LOC122394732: variants seen among roughly 807,000 people sequenced by gnomAD.
the LOC122394732 span, chr9:87,956,461 C>G: frequency 1.5e-5 from 6 of 398,492 alleles, no homozygotes; most frequent in Non-Finnish European, 8.8e-6. Context: ...TAAAGCTTCA[C>G]AAGACAACTG....
chr9:87,956,275 C>T, the LOC122394732 span: 2 of 398,466 alleles, frequency 5.0e-6, no homozygotes, highest in African/African-American at 4.1e-5. Context: ...GCATGGGCTT[C>T]GTAACGAATA....
At chr9:87,956,362 C>A in the LOC122394732 span, 2 of 398,480 alleles carry the variant, frequency 5.0e-6, no homozygotes, top group African/African-American at 4.1e-5. Flanking sequence ...AAAGGAGAAC[C>A]AGGATTCAGA....
At chr9:87,956,405 A>T in the LOC122394732 span, 5 of 398,546 alleles carry the variant, frequency 1.3e-5, no homozygotes, top group East Asian at 1.8e-4. Flanking sequence ...AGACATCCAG[A>T]TCAGGGAGAT....
At chr9:87,956,809 A>G in the LOC122394732 span, 1 of 225,184 alleles carries the variant, frequency 4.4e-6, no homozygotes, top group Non-Finnish European at 8.6e-6. Context: ...ATTCTCCTGG[A>G]GGCAAGAATA....
At chr9:87,956,425 A>G in the LOC122394732 span, 1 of 398,558 alleles carries the variant, frequency 2.5e-6, no homozygotes, top group Non-Finnish European at 4.4e-6. Flanking sequence ...TTGATAGAGA[A>G]AAAGCAGCCC....
the LOC122394732 span, chr9:87,956,740 A>G: frequency 6.0e-6 from 2 of 330,892 alleles, no homozygotes; most frequent in African/African-American, 4.2e-5. Context: ...TTCCCAGCTG[A>G]TTCTATTTCT....
the LOC122394732 span, chr9:87,956,497 G>T: frequency 2.5e-6 from 1 of 398,590 alleles, no homozygotes; most frequent in Admixed American, 4.4e-5. Context: ...AGCCATTGTG[G>T]TGACTGATGC....
chr9:87,956,627 C>CA, the LOC122394732 span: 1 of 393,674 alleles, frequency 2.5e-6, no homozygotes, highest in Non-Finnish European at 4.5e-6. Context: ...TGGGACAAGC[C>CA]AAAAAAGAAA....
At chr9:87,956,384 C>A in the LOC122394732 span, 6 of 398,458 alleles carry the variant, frequency 1.5e-5, 1 homozygote, top group Non-Finnish European at 2.7e-5. Flanking sequence ...CCAAAGCATC[C>A]AGAAGGCTTT....
the LOC122394732 span, chr9:87,956,343 T>C: frequency 1.0e-5 from 4 of 398,434 alleles, no homozygotes; most frequent in African/African-American, 8.2e-5. Flanking sequence ...GTGAACAACC[T>C]TGGAGAGGAA....
the LOC122394732 span, chr9:87,956,850 A>G: frequency 1.7e-5 from 3 of 174,134 alleles, no homozygotes; most frequent in East Asian, 4.3e-4. Flanking sequence ...TCTTTCAGAT[A>G]CTGATCATGA....
chr9:87,956,736 G>A, the LOC122394732 span: 41 of 335,752 alleles, frequency 1.2e-4, no homozygotes, highest in African/African-American at 8.2e-4. Context: ...TTTTTTCCCA[G>A]CTGATTCTAT....
At chr9:87,956,314 G>A in the LOC122394732 span, 1 of 398,632 alleles carries the variant, frequency 2.5e-6, no homozygotes, top group Non-Finnish European at 4.4e-6. Context: ...GAGATTCCCT[G>A]TACCTGCGAA....
the LOC122394732 span, chr9:87,956,630 A>G: frequency 4.0e-5 from 16 of 397,034 alleles, no homozygotes; most frequent in Non-Finnish European, 7.1e-5. Context: ...GACAAGCCAA[A>G]AAAGAAAAAA....
chr9:87,956,290 C>T, the LOC122394732 span: 3 of 398,442 alleles, frequency 7.5e-6, no homozygotes, highest in African/African-American at 2.1e-5. Context: ...CGAATAAGAG[C>T]GCCTTCAAAG....
chr9:87,956,450 G>C, the LOC122394732 span: 7 of 398,446 alleles, frequency 1.8e-5, no homozygotes, highest in Admixed American at 3.1e-4. Flanking sequence ...GAGATTTTTG[G>C]TAAAGCTTCA....
chr9:87,956,455 G>C, the LOC122394732 span: 1 of 398,600 alleles, frequency 2.5e-6, no homozygotes, highest in East Asian at 3.6e-5. Context: ...TTTTGGTAAA[G>C]CTTCACAAGA....
At chr9:87,956,582 T>A in the LOC122394732 span, 1 of 397,944 alleles carries the variant, frequency 2.5e-6, no homozygotes, top group Non-Finnish European at 4.4e-6. Flanking sequence ...CTTCTGTATC[T>A]CTCTGTGACC....
the LOC122394732 span, chr9:87,956,706 A>G: frequency 1.3e-5 from 5 of 374,516 alleles, no homozygotes; most frequent in Non-Finnish European, 2.4e-5. Context: ...CTCCTACAAA[A>G]GAGAGAATAA....
Sources: gnomAD v4.1 joint callset for allele counts on GRCh38, gnomAD v4.1.1 for gene constraint, MANE v1.5 for transcripts.